The following CCDC69 variants were observed in gnomAD, a reference collection of about 807,000 sequenced individuals.
CCDC69 encodes the protein coiled-coil domain containing 69, also known as coiled-coil domain-containing protein 69.
CCDC69 carries 38 observed loss-of-function variants against 40.3 expected under a neutral mutation model. That is an observed-to-expected ratio of 0.94 (90% confidence interval 0.73 to 1.24). The LOEUF is 1.24. Among genes scored for constraint, CCDC69 ranks in the 50% most tolerant of loss-of-function variants. The probability of loss-of-function intolerance (pLI) is 0.00; values close to 1 mark genes in which losing one functional copy is unlikely to be tolerated. For missense variants in CCDC69, 389 were observed against 357.9 expected (o/e 1.09, Z -0.70); for synonymous variants, 141 against 138.9 (o/e 1.02, Z -0.11).
intron 4 of CCDC69, 116 bp from the exon 5 acceptor site, chr5:151,187,575 T>A: frequency 1.3e-6 from 1 of 786,564 alleles, no homozygotes; most frequent in Non-Finnish European, 2.2e-6. Flanking sequence ...AGGCCAGGAG[T>A]CTAGGAACGG....
chr5:151,221,088 A>G (rs1254703652), intron 1 of CCDC69, among the ~76,000 whole-genome samples: 1 of 152,084 alleles, frequency 6.6e-6, no homozygotes, highest in Non-Finnish European at 1.5e-5. Flanking sequence ...ACTTGTCCCA[A>G]TAAGGCAGTG....
chr5:151,195,070 C>T (rs1290199419), intron 4 of CCDC69, among the ~76,000 whole-genome samples: 1 of 152,070 alleles, frequency 6.6e-6, no homozygotes, highest in African/African-American at 2.4e-5. Flanking sequence ...TACCTCTCCC[C>T]ATACATATAA....
chr5:151,183,132 C>A lies in CCDC69; in HGVS notation c.*305G>T, dbSNP rs752787835. On this transcript the variant is annotated 3_prime_UTR_variant, in exon 9 of 9. Transcript: ENST00000355417. The stretch of plus-strand genomic sequence containing the variant: ...CAAATGGCCAGCGTGACACAGACTG[C>A]CCCTGGGAAAGCCTCGGAACTTCTC... The A allele has an allele frequency of 3.8e-6, 2 of 524,590 alleles. No homozygotes were observed. Among genetic ancestry groups the A allele is most frequent in the South Asian group, 3.1e-5 (2 of 65,098 alleles). The allele number at this position is 524,590 out of a possible 1,614,324, so 32.5% of individuals were successfully genotyped here. A position where few individuals can be genotyped will look rare whatever the true frequency, so the allele number is the denominator to read the frequency against.
At chr5:151,207,348 G>A (rs1243966693) in intron 1 of CCDC69, among the ~76,000 whole-genome samples, 1 of 152,056 alleles carries the variant, frequency 6.6e-6, no homozygotes, top group Non-Finnish European at 1.5e-5. Context: ...CTGGAGTGCA[G>A]TGGCGCAATC....
At chr5:151,205,623 G>C (rs1332497311) in intron 1 of CCDC69, 148 bp from the exon 2 acceptor site, 6 of 661,096 alleles carry the variant, frequency 9.1e-6, no homozygotes. Flanking sequence ...GGGCTGCCTC[G>C]CAGCCCCAGG....
intron 1 of CCDC69, chr5:151,212,643 C>T (rs1561604619): frequency 2.7e-6 from 1 of 376,448 alleles, no homozygotes; most frequent in Non-Finnish European, 5.3e-6. Context: ...CCCAAAGAAA[C>T]CGACAGGATG....
intron 1 of CCDC69, among the ~76,000 whole-genome samples, chr5:151,218,112 G>A (rs115638482): frequency 6.6e-6 from 1 of 152,186 alleles, no homozygotes; most frequent in Admixed American, 6.5e-5. Context: ...TGGCCTAGAT[G>A]TTCTGGAAGG....
At chr5:151,184,311 G>A (rs948699627) in intron 8 of CCDC69, 33 bp downstream of exon 8, 14 of 1,537,748 alleles carry the variant, frequency 9.1e-6, no homozygotes, top group Non-Finnish European at 1.2e-5. Flanking sequence ...AAAAGGGTGG[G>A]GATGGGAGTA....
At chr5:151,187,323 G>T in intron 5 of CCDC69, 63 bp downstream of exon 5, 1 of 1,477,902 alleles carries the variant, frequency 6.8e-7, no homozygotes, top group Non-Finnish European at 9.4e-7. Flanking sequence ...GGGGCTCCAT[G>T]CTGCTTTCCC....
chr5:151,186,158 C>G (rs1752507491), intron 5 of CCDC69, 34 bp from the exon 6 acceptor site: 1 of 1,467,448 alleles, frequency 6.8e-7, no homozygotes, highest in African/African-American at 1.4e-5. Context: ...ACAATCAAAG[C>G]CTGCCTCATA....
chr5:151,215,175 C>T (rs1753018994), intron 1 of CCDC69, among the ~76,000 whole-genome samples: 1 of 152,158 alleles, frequency 6.6e-6, no homozygotes, highest in African/African-American at 2.4e-5. Context: ...ATACCTGTCT[C>T]CCAGTCCAAT....
chr5:151,194,264 G>C (rs894589946), intron 4 of CCDC69, among the ~76,000 whole-genome samples: 9 of 152,170 alleles, frequency 5.9e-5, no homozygotes, highest in African/African-American at 2.2e-4. Context: ...TGTTAGAACA[G>C]CTCTATTCAT....
chr5:151,183,545 G>A lies in CCDC69; in HGVS notation c.783C>T (p.Leu261=). The A allele has an allele frequency of 6.2e-7, 1 of 1,611,668 alleles. No individual in the cohort carries two copies. Among genetic ancestry groups the A allele is most frequent in the Middle Eastern group, 1.7e-4 (1 of 6,052 alleles). The change falls in exon 9 of 9, where the codon CTC becomes CTT. Residue 261 remains leucine (L), a synonymous_variant. Transcript: ENST00000355417. ...ACAACAGCTCCTCCTTCTCCTGCTGGAGCTGTCGCCGCAGCTGCACCTCCT... is the reference window on the plus strand; with the variant it reads ...ACAACAGCTCCTCCTTCTCCTGCTGAAGCTGTCGCCGCAGCTGCACCTCCT... ...LEKEVQLRRQ[L]QQEKEELLYR...
chr5:151,202,058 T>A (rs1053687836), intron 2 of CCDC69, among the ~76,000 whole-genome samples: 19 of 152,022 alleles, frequency 1.2e-4, no homozygotes, highest in South Asian at 2.1e-4. Context: ...CCCCATTTTT[T>A]AAAAAATTAG....
chr5:151,187,098 G>GA (rs1752531696), intron 5 of CCDC69, among the ~76,000 whole-genome samples: 1 of 152,100 alleles, frequency 6.6e-6, no homozygotes, highest in Non-Finnish European at 1.5e-5. Context: ...ACAGGTCCCT[G>GA]TGCATCCACC....
chr5:151,190,249 C>A (rs1337366404), intron 4 of CCDC69, among the ~76,000 whole-genome samples: 1 of 152,114 alleles, frequency 6.6e-6, no homozygotes, highest in Non-Finnish European at 1.5e-5. Context: ...AAAATTATAA[C>A]CTTGTCTGAT....
chr5:151,191,098 A>C lies in CCDC69; in HGVS notation c.320-3639T>G, dbSNP rs545027695. 5.4e-4 allele frequency among the ~76,000 whole-genome samples: 23 copies of C among 42,342 alleles called. No individual in the cohort carries two copies. In the South Asian group the frequency reaches 0.017, roughly 31 times the overall value. The allele number at this position is 42,342 out of a possible 152,430, so 27.8% of individuals were successfully genotyped here. On this transcript the variant is annotated intron_variant, in intron 4 of 8. Transcript: ENST00000355417. ...TGAATCTAAAATTAAAGTTGAAATT[A>C]AAAAAAAAAACCACCCACCAACTAA...
intron 1 of CCDC69, among the ~76,000 whole-genome samples, chr5:151,205,701 G>A (rs1752844430): frequency 6.6e-6 from 1 of 152,172 alleles, no homozygotes; most frequent in East Asian, 1.9e-4. Flanking sequence ...GAAACCCTCA[G>A]GGGAGTTTGA....
chr5:151,184,216 C>T, intron 8 of CCDC69, 128 bp downstream of exon 8: 1 of 683,290 alleles, frequency 1.5e-6, no homozygotes, highest in South Asian at 1.8e-5. Context: ...GAAAGAGGAG[C>T]CACATTCCCT....
Sources: allele counts gnomAD v4.1 joint callset (sites outside exome capture counted in the v4.1 genomes callset), GRCh38; gene constraint gnomAD v4.1.1; transcripts MANE v1.5; gene names NCBI Gene and HGNC (gene_info 2026-07-23, HGNC 2026-07-21).